The following LHFPL2 variants were observed in gnomAD, a reference collection of about 807,000 sequenced individuals.
The protein encoded by LHFPL2 is LHFPL tetraspan subfamily member 2 protein.
In LHFPL2, 7 loss-of-function variants were observed where a neutral mutation model predicts 17.5. The observed-to-expected ratio is 0.40, with a 90% confidence interval of 0.23 to 0.75. The LOEUF (loss-of-function observed/expected upper bound fraction) is 0.75. Ranked by LOEUF, LHFPL2 falls within the 30% of genes least tolerant of loss-of-function variation. The pLI is 0.37. For missense variants in LHFPL2, 241 were observed against 294.8 expected (o/e 0.82, Z 1.34); for synonymous variants, 134 against 116.2 (o/e 1.15, Z -0.99).
In LHFPL2 at chr5:78,486,227, T is replaced by G. The variant is rs1754235310; in HGVS notation, c.*2670A>C. On this transcript the variant is annotated 3_prime_UTR_variant, in exon 5 of 5. Coordinates refer to ENST00000380345, the MANE Select transcript of LHFPL2 (RefSeq NM_005779.3). ...ACAATTAATGCAACATTGTTTGAAT[T>G]ATTAGCACACAGGTTTAAAGAATCC... 1 of 152,606 alleles carries G rather than the reference T, an allele frequency of 6.6e-6. No homozygotes were observed. Among genetic ancestry groups the G allele is most frequent in the Non-Finnish European group, 1.5e-5 (1 of 68,046 alleles). The allele number at this position is 152,606 out of a possible 1,614,324, so 9.5% of individuals were successfully genotyped here.
At chr5:78,519,672 AAAGT>A (rs1755391549) in intron 3 of LHFPL2, among the ~76,000 whole-genome samples, 1 of 152,224 alleles carries the variant, frequency 6.6e-6, no homozygotes, top group Non-Finnish European at 1.5e-5. Context: ...CAATTAAGTT[AAAGT>A]AAGTATCAAG....
rs76348122 is a variant in LHFPL2, at chr5:78,500,924, C to T, written c.430+8860G>A. On this transcript the variant is annotated intron_variant, in intron 4 of 4. Transcript: ENST00000380345. ...AGACTTAATGGCATTCGTTAAATTCCAACACCTATAAATTTACAGCTGGGG... is the reference window on the plus strand; with the variant it reads ...AGACTTAATGGCATTCGTTAAATTCTAACACCTATAAATTTACAGCTGGGG... Among the ~76,000 whole-genome samples, 1,340 of 152,264 alleles carry T rather than the reference C, an allele frequency of 8.8e-3. 13 individuals carry two copies. Among genetic ancestry groups the T allele is most frequent in the Non-Finnish European group, 0.013 (853 of 68,012 alleles).
At chr5:78,529,565 A>C (rs766341816) in intron 3 of LHFPL2, among the ~76,000 whole-genome samples, 14 of 152,102 alleles carry the variant, frequency 9.2e-5, no homozygotes, top group Non-Finnish European at 1.6e-4. Context: ...GCATACGGGA[A>C]GCGGAGCTTG....
At chr5:78,562,953 C>T (rs1296914826) in intron 3 of LHFPL2, among the ~76,000 whole-genome samples, 9 of 152,198 alleles carry the variant, frequency 5.9e-5, no homozygotes, top group Non-Finnish European at 1.2e-4. Flanking sequence ...GGGGACTAAG[C>T]CATTACTGGG....
intron 3 of LHFPL2, among the ~76,000 whole-genome samples, chr5:78,532,809 C>T (rs1755825030): frequency 1.3e-5 from 2 of 151,844 alleles, no homozygotes; most frequent in South Asian, 4.1e-4. Flanking sequence ...TTTACTATTA[C>T]CATGATCATT....
At chr5:78,634,331 AG>A (rs1240786273) in intron 1 of LHFPL2, among the ~76,000 whole-genome samples, 1 of 152,226 alleles carries the variant, frequency 6.6e-6, no homozygotes, top group African/African-American at 2.4e-5. Flanking sequence ...GCTGTGCTGC[AG>A]GAACTCACAG....
intron 2 of LHFPL2, among the ~76,000 whole-genome samples, chr5:78,578,827 T>C (rs1236551161): frequency 1.3e-5 from 2 of 152,236 alleles, no homozygotes; most frequent in East Asian, 3.8e-4. Flanking sequence ...AGGTTCTCAG[T>C]AGAATGTTTG....
intron 2 of LHFPL2, among the ~76,000 whole-genome samples, chr5:78,602,805 G>C (rs750785526): frequency 6.6e-6 from 1 of 152,088 alleles, no homozygotes; most frequent in African/African-American, 2.4e-5. Flanking sequence ...CTTATGAGCC[G>C]GGCCCATGCA....
chr5:78,535,191 G>A lies in LHFPL2; in HGVS notation c.-185-24793C>T, dbSNP rs569265705. Among the ~76,000 whole-genome samples the A allele has an allele frequency of 5.3e-5, 8 of 152,274 alleles. No individual in the cohort carries two copies. The East Asian group carries it at 1.4e-3, about 26-fold the overall frequency. On this transcript the variant is annotated intron_variant, in intron 3 of 4. Transcript: ENST00000380345. ...GGGTCAGACATCAAGGAGTGGTGTC[G>A]CCAGAGCAGGCCATTTGCCGAGGGG... is the stretch of plus-strand genomic sequence containing the variant.
intron 3 of LHFPL2, among the ~76,000 whole-genome samples, chr5:78,510,973 G>C (rs1319323937): frequency 6.6e-6 from 1 of 152,060 alleles, no homozygotes; most frequent in Admixed American, 6.5e-5. Flanking sequence ...AAGTGTGTTT[G>C]CTTCATAGGT....
At chr5:78,616,357 G>A (rs1744612487) in intron 2 of LHFPL2, among the ~76,000 whole-genome samples, 1 of 152,102 alleles carries the variant, frequency 6.6e-6, no homozygotes, top group South Asian at 2.1e-4. Flanking sequence ...TCGATCTGCT[G>A]ACCTTGTGAT....
At chr5:78,561,063 CTTCT>C (rs1307402506) in intron 3 of LHFPL2, among the ~76,000 whole-genome samples, 2 of 152,188 alleles carry the variant, frequency 1.3e-5, no homozygotes, top group Admixed American at 6.5e-5. Flanking sequence ...TTTGTACATT[CTTCT>C]TTCTAATACT....
Position 78,546,257 on chromosome 5 carries a change from G to T in LHFPL2, c.-186+18556C>A, listed in dbSNP as rs528765811. The stretch of plus-strand genomic sequence containing the variant: ...CAACATTAAATTTCAACTTTATATG[G>T]GGCAATTTTTGAGTGGATTGATCAT... On this transcript the variant is annotated intron_variant, in intron 3 of 4. Coordinates refer to ENST00000380345, the MANE Select transcript of LHFPL2 (RefSeq NM_005779.3). Among the ~76,000 whole-genome samples, 6 of 152,210 alleles carry T rather than the reference G, an allele frequency of 3.9e-5. No individual in the cohort carries two copies. The South Asian group carries it at 1.2e-3, about 32-fold the overall frequency.
chr5:78,609,367 C>T (rs186794254), intron 2 of LHFPL2, among the ~76,000 whole-genome samples: 189 of 143,626 alleles, frequency 1.3e-3, no homozygotes, highest in Middle Eastern at 3.9e-3. Flanking sequence ...AGGAGAATCA[C>T]TGGAACCCGG....
intron 3 of LHFPL2, among the ~76,000 whole-genome samples, chr5:78,522,988 T>C (rs969140644): frequency 1.3e-5 from 2 of 152,142 alleles, no homozygotes; most frequent in Non-Finnish European, 2.9e-5. Flanking sequence ...CCCCAGATGG[T>C]CGCATAAAAA....
At chr5:78,641,572 TTAAA>T (rs1485457024) in intron 1 of LHFPL2, among the ~76,000 whole-genome samples, 3 of 152,208 alleles carry the variant, frequency 2.0e-5, no homozygotes, top group East Asian at 3.9e-4. Flanking sequence ...CTTGGAAGTC[TTAAA>T]TAAAGTTTGA....
At chr5:78,611,832 G>A (rs1302328662) in intron 2 of LHFPL2, among the ~76,000 whole-genome samples, 2 of 152,150 alleles carry the variant, frequency 1.3e-5, no homozygotes, top group African/African-American at 2.4e-5. Context: ...AAAATCTATC[G>A]TTAAAACTCA....
intron 2 of LHFPL2, among the ~76,000 whole-genome samples, chr5:78,594,862 G>A (rs79961629): frequency 0.016 from 2,454 of 152,244 alleles, 72 homozygotes; most frequent in African/African-American, 0.056. Context: ...AGCCGCCAAC[G>A]ACCAAAGAAA....
chr5:78,616,284 AC>A (rs1744608020), intron 2 of LHFPL2, among the ~76,000 whole-genome samples: 1 of 151,840 alleles, frequency 6.6e-6, no homozygotes, highest in African/African-American at 2.4e-5. Context: ...CCGCCACCTC[AC>A]CCGGCTAATT....
Sources: gnomAD v4.1 joint callset for allele counts (sites outside exome capture counted in the v4.1 genomes callset) on GRCh38, gnomAD v4.1.1 for gene constraint, MANE v1.5 for transcripts, NCBI Gene and HGNC (gene_info 2026-07-23, HGNC 2026-07-21) for gene names.